LCORL: variants seen among roughly 807,000 people sequenced by gnomAD.
LCORL encodes the protein ligand dependent nuclear receptor corepressor like, also known as ligand-dependent nuclear receptor corepressor-like protein.
A neutral mutation model predicts 141.8 loss-of-function variants in LCORL; 41 were observed. The ratio of observed to expected loss-of-function variants is 0.29; its 90% CI spans 0.23 to 0.38. The LOEUF is 0.38. LCORL is among the 10% of genes least tolerant of loss of function. LCORL has a pLI of 1.00. For synonymous variants in LCORL, 618 were observed against 694.1 expected (o/e 0.89, Z 1.72); for missense variants, 1,759 against 2,035.0 (o/e 0.86, Z 2.61).
At chr4:18,009,934 G>C (rs1001782406) in intron 1 of LCORL, among the ~76,000 whole-genome samples, 1 of 152,030 alleles carries the variant, frequency 6.6e-6, no homozygotes, top group Non-Finnish European at 1.5e-5. Context: ...CACCCAGTGT[G>C]GATACCTACC....
At chr4:17,995,331 G>C (rs922885537) in intron 1 of LCORL, among the ~76,000 whole-genome samples, 1 of 151,616 alleles carries the variant, frequency 6.6e-6, no homozygotes, top group African/African-American at 2.4e-5. Flanking sequence ...CAAGGTCCTG[G>C]TCTCCTTAAT....
intron 4 of LCORL, chr4:17,911,672 G>A: frequency 4.0e-6 from 2 of 497,706 alleles, no homozygotes; most frequent in South Asian, 3.1e-5. Flanking sequence ...TCCCTGGACA[G>A]CATGAGCTTC....
At chr4:17,902,429 CAT>C (rs1302679642) in intron 5 of LCORL, among the ~76,000 whole-genome samples, 4 of 151,800 alleles carry the variant, frequency 2.6e-5, no homozygotes, top group Admixed American at 1.3e-4. Context: ...TTTTCTTCCA[CAT>C]GTTTTTAGCC....
intron 5 of LCORL, among the ~76,000 whole-genome samples, chr4:17,898,829 G>C (rs1437420623): frequency 6.6e-6 from 1 of 152,074 alleles, no homozygotes; most frequent in African/African-American, 2.4e-5. Flanking sequence ...TGTAATTAAA[G>C]GCTTGATTCC....
At chr4:17,929,464 C>T (rs1735666975) in intron 4 of LCORL, among the ~76,000 whole-genome samples, 5 of 151,974 alleles carry the variant, frequency 3.3e-5, no homozygotes, top group Admixed American at 3.3e-4. Flanking sequence ...CATAAACGCA[C>T]TCATATACAG....
chr4:17,996,164 G>A (rs1017824300), intron 1 of LCORL, among the ~76,000 whole-genome samples: 4 of 152,152 alleles, frequency 2.6e-5, no homozygotes, highest in African/African-American at 9.6e-5. Context: ...AAATTCAGGA[G>A]ATATATTCCA....
Position 17,972,905 on chromosome 4 carries a change from A to G in LCORL, c.155-20T>C, listed in dbSNP as rs1716247093. ...CAAAACCTGTGTTTTTAGAGAGAGA[A>G]AAGTATATTAACTACTAGAAAAGTT... On this transcript the variant is annotated intron_variant, in intron 1 of 7. Transcript: ENST00000635767. 9 of 1,203,408 alleles carry G rather than the reference A, an allele frequency of 7.5e-6. No homozygotes were observed. Among genetic ancestry groups the G allele is most frequent in the Non-Finnish European group, 8.9e-6 (8 of 895,862 alleles). The allele number at this position is 1,203,408 out of a possible 1,614,324, so 74.5% of individuals were successfully genotyped here. A position where few individuals can be genotyped will look rare whatever the true frequency, so the allele number is the denominator to read the frequency against.
At chr4:17,925,734 G>A (rs1735017468) in intron 4 of LCORL, among the ~76,000 whole-genome samples, 1 of 151,920 alleles carries the variant, frequency 6.6e-6, no homozygotes, top group Non-Finnish European at 1.5e-5. Flanking sequence ...AGCCAGGTGT[G>A]GTGGCACGCA....
At chr4:17,979,044 C>T (rs960103923) in intron 1 of LCORL, among the ~76,000 whole-genome samples, 1 of 152,114 alleles carries the variant, frequency 6.6e-6, no homozygotes, top group Non-Finnish European at 1.5e-5. Flanking sequence ...CTATCCCTCC[C>T]CCATTGCCCC....
chr4:17,941,154 A>G (rs1463178203), intron 4 of LCORL, among the ~76,000 whole-genome samples: 1 of 152,192 alleles, frequency 6.6e-6, no homozygotes, highest in Non-Finnish European at 1.5e-5. Context: ...AGACGGGCAG[A>G]TCACGAGGTC....
chr4:17,994,370 C>T lies in LCORL; in HGVS notation c.155-21485G>A, dbSNP rs149020079. 2.4e-3 allele frequency among the ~76,000 whole-genome samples: 369 copies of T among 152,138 alleles called. 1 individual carries two copies. The highest frequency in any genetic ancestry group is 8.0e-3 in the African/African-American group (330 of 41,492). On this transcript the variant is annotated intron_variant, in intron 1 of 7. Coordinates refer to ENST00000635767, the Ensembl canonical transcript of LCORL. ...CCCCCGCACCTGCCAACACCCAAAC[C>T]CTATAAAATGTGGATACTTCAGGTA...
intron 1 of LCORL, among the ~76,000 whole-genome samples, chr4:17,983,745 T>C (rs1412370617): frequency 6.6e-6 from 1 of 152,182 alleles, no homozygotes; most frequent in Non-Finnish European, 1.5e-5. Flanking sequence ...TTTTCATATT[T>C]GGATGTGCTT....
At chr4:17,857,009 GC>G (rs1177310174) in intron 7 of LCORL, among the ~76,000 whole-genome samples, 1 of 152,180 alleles carries the variant, frequency 6.6e-6, no homozygotes, top group African/African-American at 2.4e-5. Context: ...CATTTTATCT[GC>G]AGTACTCGGC....
chr4:17,892,202 T>C (rs956693258), intron 5 of LCORL, among the ~76,000 whole-genome samples: 4 of 148,672 alleles, frequency 2.7e-5, no homozygotes, highest in Non-Finnish European at 5.9e-5. Context: ...ATAGTATTTT[T>C]TTTTTTCTTT....
rs193299843 is a variant in LCORL, at chr4:17,978,869, A to G, written c.155-5984T>C. 7.9e-5 allele frequency among the ~76,000 whole-genome samples: 12 copies of G among 152,094 alleles called. No homozygotes were observed. The East Asian group carries it at 2.3e-3, about 29-fold the overall frequency. On this transcript the variant is annotated intron_variant, in intron 1 of 7. Transcript: ENST00000635767. ...TACAATGCCCTCATAAATTCCGGCC[A>G]CTCACAATACACTAAAGGCAGATCT...
intron 1 of LCORL, among the ~76,000 whole-genome samples, chr4:18,010,377 CAT>C (rs962762056): frequency 2.7e-5 from 4 of 148,584 alleles, no homozygotes; most frequent in Admixed American, 2.0e-4. Flanking sequence ...TGTATGGGTA[CAT>C]ATATATATGT....
intron 5 of LCORL, chr4:17,893,713 T>C: frequency 3.1e-6 from 1 of 318,962 alleles, no homozygotes; most frequent in Non-Finnish European, 4.5e-6. Context: ...CAAAATGTGT[T>C]TTTACAGCTG....
chr4:17,856,413 A>T (rs1014687283), intron 7 of LCORL, among the ~76,000 whole-genome samples: 2 of 152,216 alleles, frequency 1.3e-5, no homozygotes, highest in African/African-American at 2.4e-5. Flanking sequence ...GTGAGGACAC[A>T]GCAAGAAGGT....
chr4:17,943,857 T>C (rs1205361201), intron 4 of LCORL, among the ~76,000 whole-genome samples: 1 of 152,124 alleles, frequency 6.6e-6, no homozygotes, highest in African/African-American at 2.4e-5. Flanking sequence ...ATCCATACCA[T>C]TATCACAAAA....
Sources: gnomAD v4.1 joint callset for allele counts (sites outside exome capture counted in the v4.1 genomes callset) on GRCh38, gnomAD v4.1.1 for gene constraint, MANE v1.5 for transcripts, NCBI Gene and HGNC (gene_info 2026-07-23, HGNC 2026-07-21) for gene names.